LRRK1: variants seen among roughly 807,000 people sequenced by gnomAD.
LRRK1 encodes the protein leucine rich repeat kinase 1, also known as leucine-rich repeat serine/threonine-protein kinase 1.
A neutral mutation model predicts 209.1 loss-of-function variants in LRRK1; 113 were observed. That is an observed-to-expected ratio of 0.54 (90% CI 0.46 to 0.63). LRRK1 has a LOEUF of 0.63. LRRK1 is among the 30% of genes least tolerant of loss of function. The pLI, the probability that LRRK1 is intolerant of heterozygous loss-of-function variation, is 0.00. For synonymous variants in LRRK1, 1,144 were observed against 1,099.7 expected (o/e 1.04, Z -0.80); for missense variants, 2,284 against 2,632.2 (o/e 0.87, Z 2.89).
chr15:101,050,202 G>A (rs1012183544), intron 23 of LRRK1, among the ~76,000 whole-genome samples: 9 of 152,190 alleles, frequency 5.9e-5, no homozygotes, highest in Non-Finnish European at 1.2e-4. Flanking sequence ...ATGGAGGGGA[G>A]CCGTGGCAGC....
intron 31 of LRRK1, 35 bp downstream of exon 31, chr15:101,062,725 T>C (rs971817112): frequency 6.8e-7 from 1 of 1,475,376 alleles, no homozygotes; most frequent in Non-Finnish European, 9.5e-7. Context: ...TGCAGGTCTC[T>C]GATGCACTTC....
chr15:100,949,363 G>A (rs1294118561), intron 2 of LRRK1, among the ~76,000 whole-genome samples: 1 of 152,106 alleles, frequency 6.6e-6, no homozygotes, highest in Non-Finnish European at 1.5e-5. Context: ...AACAAGTAGA[G>A]AGACTGAATT....
At chr15:100,982,889 G>A (rs1596234015) in intron 3 of LRRK1, among the ~76,000 whole-genome samples, 1 of 152,236 alleles carries the variant, frequency 6.6e-6, no homozygotes, top group African/African-American at 2.4e-5. Context: ...ATATTTTCTA[G>A]TAGCCACATT....
intron 6 of LRRK1, among the ~76,000 whole-genome samples, chr15:101,008,472 G>T (rs892999653): frequency 1.3e-5 from 2 of 152,172 alleles, no homozygotes; most frequent in African/African-American, 2.4e-5. Context: ...TGGGGGAGGC[G>T]CCTGGACGCT....
chr15:100,941,591 C>T (rs1411438236), intron 2 of LRRK1, among the ~76,000 whole-genome samples: 2 of 151,682 alleles, frequency 1.3e-5, no homozygotes, highest in East Asian at 3.9e-4. Flanking sequence ...TATGGCGCTG[C>T]TCTTCCTCAG....
chr15:100,960,294 G>A (rs1457744569), intron 2 of LRRK1, among the ~76,000 whole-genome samples: 1 of 28,850 alleles, frequency 3.5e-5, no homozygotes, highest in East Asian at 1.0e-3. Context: ...TTTTTTTTTT[G>A]CATAGTGCTT....
intron 2 of LRRK1, among the ~76,000 whole-genome samples, chr15:100,942,194 A>G (rs1300141335): frequency 2.0e-5 from 3 of 152,218 alleles, no homozygotes; most frequent in Non-Finnish European, 4.4e-5. Flanking sequence ...GAGAATGTCA[A>G]GAACCGGCTC....
At chr15:101,055,265 G>A in intron 27 of LRRK1, 42 bp downstream of exon 27, 2 of 1,494,670 alleles carry the variant, frequency 1.3e-6, no homozygotes, top group Non-Finnish European at 8.9e-7. Context: ...CAGTGTAGGA[G>A]CCCAGCCCTC....
chr15:101,014,528 C>T (rs1047485245), intron 11 of LRRK1, 100 bp downstream of exon 11: 7 of 782,076 alleles, frequency 9.0e-6, no homozygotes, highest in Admixed American at 2.4e-5. Context: ...GCGAGGGCTG[C>T]TGAGCCGCCA....
rs1242317785 is a variant in LRRK1, at chr15:101,024,442, C to G, written c.2068-361C>G. On this transcript the variant is annotated intron_variant, in intron 15 of 33. Transcript: ENST00000388948. The surrounding 1 kb of genome is among the most constrained non-coding windows in gnomAD (Gnocchi z 4.6). Reference sequence around the variant, plus strand: ...GGCCCATCTCCTCCTCTTGCCCTGGCACACAGGGAGGCTGAACCCCAGTGC... The same window carrying G: ...GGCCCATCTCCTCCTCTTGCCCTGGGACACAGGGAGGCTGAACCCCAGTGC... Among the ~76,000 whole-genome samples the G allele has an allele frequency of 2.0e-5, 3 of 152,204 alleles. No homozygotes were observed. The highest frequency in any genetic ancestry group is 7.2e-5 in the African/African-American group (3 of 41,460).
intron 32 of LRRK1, among the ~76,000 whole-genome samples, 176 bp downstream of exon 32, chr15:101,066,381 AAG>A (rs1308964078): frequency 6.6e-6 from 1 of 152,222 alleles, no homozygotes; most frequent in Non-Finnish European, 1.5e-5. Context: ...TAGCAAATCT[AAG>A]AGTGGCCGCA....
intron 20 of LRRK1, among the ~76,000 whole-genome samples, chr15:101,033,208 T>C (rs886341066): frequency 6.6e-6 from 1 of 152,196 alleles, no homozygotes; most frequent in Non-Finnish European, 1.5e-5. Flanking sequence ...ATGTGTAGAA[T>C]GTGGAATGAT....
At position 100,956,455 on chromosome 15, in the gene LRRK1, C is replaced by CTTTTTTTTTTTTTTTTTTTTTTTTTTTTT. The variant is rs776326423; in HGVS notation, c.98-17331_98-17330insTTTTTTTTTTTTTTTTTTTTTTTTTTTTT. Among the ~76,000 whole-genome samples the CTTTTTTTTTTTTTTTTTTTTTTTTTTTTT allele has an allele frequency of 1.8e-4, 11 of 60,522 alleles. 1 individual carries two copies. The highest frequency in any genetic ancestry group is 6.8e-4 in the African/African-American group (8 of 11,720). The allele number at this position is 60,522 out of a possible 152,430, so 39.7% of individuals were successfully genotyped here. Reference sequence around the variant, plus strand: ...TTCGCTTTTCTTTCCTTTTTTTTTTCTTTTTTTTTTTTTTTTTTGAGACAG... The same window carrying CTTTTTTTTTTTTTTTTTTTTTTTTTTTTT: ...TTCGCTTTTCTTTCCTTTTTTTTTTCTTTTTTTTTTTTTTTTTTTTTTTTTTTTTTTTTTTTTTTTTTTTTTTGAGACAG... On this transcript the variant is annotated intron_variant, in intron 2 of 33. Transcript: ENST00000388948.
At position 101,075,602 on chromosome 15, in the gene LRRK1, G is replaced by A. The variant is rs1177694560; in HGVS notation, c.*6754G>A. The A allele has an allele frequency of 2.0e-5, 3 of 147,458 alleles. No individual in the cohort carries two copies. Among genetic ancestry groups the A allele is most frequent in the East Asian group, 2.0e-4 (1 of 5,078 alleles). The allele number at this position is 147,458 out of a possible 1,614,324, so 9.1% of individuals were successfully genotyped here. ...TCCTGCTACAGCATGGCCTTTTAAA[G>A]CCTATAAACTCTCCTTACAATTCCC... is the stretch of plus-strand genomic sequence containing the variant. On this transcript the variant is annotated 3_prime_UTR_variant, in exon 34 of 34. Transcript: ENST00000388948.
In LRRK1 at chr15:101,028,963, CT is replaced by C; in HGVS notation, c.2696del (p.Phe899SerfsTer3). 6.2e-7 allele frequency: 1 copy of C among 1,613,818 alleles called. No homozygotes were observed. The highest frequency in any genetic ancestry group is 8.5e-7 in the Non-Finnish European group (1 of 1,179,840). On this transcript the variant is annotated frameshift_variant, in exon 20 of 34. Transcript: ENST00000388948. LOFTEE classifies it high-confidence loss of function. ...DYEDLQSAISFLIETGTLLHF... is the reference protein window; with the variant it reads ...DYEDLQSAISXLIETGTLLHF... ...TCTCCTTGCCTGGGGCAGCCATCAGCTTCCTCATAGAAACCGGCACCCTGCT... is the reference window on the plus strand; with the variant it reads ...TCTCCTTGCCTGGGGCAGCCATCAGCTCCTCATAGAAACCGGCACCCTGCT...
At chr15:101,021,203 G>C (rs1269038908) in intron 13 of LRRK1, 21 bp downstream of exon 13, 2 of 1,613,496 alleles carry the variant, frequency 1.2e-6, no homozygotes, top group African/African-American at 2.7e-5. Context: ...ATCTGGAGGG[G>C]CCGTGCTGGC....
chr15:100,926,616 A>T (rs555605924), intron 2 of LRRK1, among the ~76,000 whole-genome samples: 1 of 151,048 alleles, frequency 6.6e-6, no homozygotes, highest in Non-Finnish European at 1.5e-5. Context: ...CGGGGAGTGA[A>T]CAAGCATGGG....
intron 4 of LRRK1, among the ~76,000 whole-genome samples, chr15:100,985,539 G>A (rs2031822493): frequency 6.6e-6 from 1 of 152,208 alleles, no homozygotes; most frequent in South Asian, 2.1e-4. Context: ...AGGTCTGGGA[G>A]CACACATCAG....
In LRRK1 at chr15:101,069,511, G is replaced by C. The variant is rs188526238; in HGVS notation, c.*663G>C. ...AGTGCCACCGCCAGCAAGCCCAGAG[G>C]CACACAGTCCGAGTGCACCCGCTTA... On this transcript the variant is annotated 3_prime_UTR_variant, in exon 34 of 34. Transcript: ENST00000388948. The C allele has an allele frequency of 6.5e-4, 99 of 152,704 alleles. 1 individual carries two copies. Among genetic ancestry groups the C allele is most frequent in the Non-Finnish European group, 1.0e-4 (7 of 68,124 alleles). 9.5% of individuals were successfully genotyped at this position (152,704 alleles called of 1,614,324 possible). A position where few individuals can be genotyped will look rare whatever the true frequency, so the allele number is the denominator to read the frequency against.
Sources: allele counts gnomAD v4.1 joint callset (sites outside exome capture counted in the v4.1 genomes callset), GRCh38; gene constraint gnomAD v4.1.1; non-coding constraint Gnocchi (gnomAD v3.1); transcripts MANE v1.5; gene names NCBI Gene and HGNC (gene_info 2026-07-23, HGNC 2026-07-21).